Variants in IGF1R observed in about 807,000 individuals in gnomAD.
IGF1R encodes the protein insulin like growth factor 1 receptor, also known as insulin-like growth factor 1 receptor.
IGF1R carries 44 observed loss-of-function variants against 144.6 expected under a neutral mutation model. The ratio of observed to expected loss-of-function variants is 0.30; its 90% CI spans 0.24 to 0.39. The LOEUF (loss-of-function observed/expected upper bound fraction) is 0.39. Among genes scored for constraint, IGF1R ranks in the 10% least tolerant of loss-of-function variants. The pLI, the probability that IGF1R is intolerant of heterozygous loss-of-function variation, is 1.00. For synonymous variants in IGF1R, 795 were observed against 722.8 expected, an observed-to-expected ratio of 1.10 and a Z score of -1.60; for missense variants, 1,355 against 1,833.7, an observed-to-expected ratio of 0.74 and a Z score of 4.77.
chr15:98,921,013 T>C (rs2015462837), intron 10 of IGF1R, among the ~76,000 whole-genome samples: 2 of 152,134 alleles, frequency 1.3e-5, no homozygotes, highest in African/African-American at 4.8e-5. Flanking sequence ...GCTGCCGCGC[T>C]CTCCCCTCCA....
At chr15:98,912,388 T>G (rs1286478549) in intron 7 of IGF1R, among the ~76,000 whole-genome samples, 1 of 152,244 alleles carries the variant, frequency 6.6e-6, no homozygotes, top group Non-Finnish European at 1.5e-5. Context: ...TTGTTCATGT[T>G]TGTTTCAGAA....
At chr15:98,760,252 G>A (rs2055260069) in intron 2 of IGF1R, among the ~76,000 whole-genome samples, 1 of 152,040 alleles carries the variant, frequency 6.6e-6, no homozygotes, top group South Asian at 2.1e-4. Flanking sequence ...TTGGGAGGCT[G>A]AGGGCAGGAG....
intron 1 of IGF1R, among the ~76,000 whole-genome samples, chr15:98,694,655 T>C (rs935375560): frequency 6.6e-6 from 1 of 152,236 alleles, no homozygotes; most frequent in African/African-American, 2.4e-5. Context: ...TTGAGAATTA[T>C]ATTGTTCTCA....
At chr15:98,869,682 G>A (rs561105109) in intron 2 of IGF1R, among the ~76,000 whole-genome samples, 7 of 152,194 alleles carry the variant, frequency 4.6e-5, no homozygotes, top group South Asian at 2.1e-4. Context: ...TGATCCACGC[G>A]CCTCACCCTC....
intron 2 of IGF1R, among the ~76,000 whole-genome samples, chr15:98,765,005 G>A (rs1483669237): frequency 6.6e-6 from 1 of 152,120 alleles, no homozygotes; most frequent in Admixed American, 6.5e-5. Flanking sequence ...CCACCAGTCT[G>A]CATTCTGTTT....
intron 2 of IGF1R, among the ~76,000 whole-genome samples, chr15:98,807,305 C>T (rs2056491694): frequency 6.6e-6 from 1 of 152,330 alleles, no homozygotes; most frequent in East Asian, 1.9e-4. Context: ...TGAACCAGAT[C>T]GTGTACATGT....
intron 2 of IGF1R, among the ~76,000 whole-genome samples, chr15:98,824,932 G>A (rs1051532343): frequency 9.9e-5 from 15 of 151,844 alleles, no homozygotes; most frequent in Non-Finnish European, 1.9e-4. Context: ...TGCCTTCCGG[G>A]TTCAAGCGAT....
At chr15:98,902,904 C>A (rs938854301) in intron 5 of IGF1R, among the ~76,000 whole-genome samples, 1 of 152,120 alleles carries the variant, frequency 6.6e-6, no homozygotes, top group Non-Finnish European at 1.5e-5. Context: ...TCTCCTGAGC[C>A]ATCCAGAACA....
At chr15:98,716,771 C>G (rs907812) in intron 2 of IGF1R, among the ~76,000 whole-genome samples, 1,966 of 127,984 alleles carry the variant, frequency 0.015, 49 homozygotes, top group Admixed American at 0.078. Context: ...CTTCTGGGGC[C>G]GGTGGAAAGG....
chr15:98,753,781 A>G (rs183334360), intron 2 of IGF1R, among the ~76,000 whole-genome samples: 17 of 152,334 alleles, frequency 1.1e-4, no homozygotes, highest in Admixed American at 7.2e-4. Flanking sequence ...ATCATGAAAC[A>G]AGTATCTTGG....
intron 2 of IGF1R, among the ~76,000 whole-genome samples, chr15:98,729,537 T>C (rs1013481379): frequency 2.7e-5 from 4 of 150,752 alleles, no homozygotes; most frequent in Admixed American, 2.0e-4. Context: ...TTCATTGTAC[T>C]GTGCATTAAG....
At position 98,959,269 on chromosome 15, in the gene IGF1R, T is replaced by G; in HGVS notation, c.*1827T>G. On this transcript the variant is annotated 3_prime_UTR_variant, in exon 21 of 21. Coordinates refer to ENST00000650285, the MANE Select transcript of IGF1R (RefSeq NM_000875.5). ...AGACACTAGGCATTTGGATTACTAT[T>G]TTTCTTAATGGCTATTTAATCCTTC... 4.3e-6 allele frequency: 1 copy of G among 233,574 alleles called. No individual in the cohort carries two copies. The highest frequency in any genetic ancestry group is 8.5e-6 in the Non-Finnish European group (1 of 117,954). The allele number at this position is 233,574 out of a possible 1,614,324, so 14.5% of individuals were successfully genotyped here.
intron 2 of IGF1R, among the ~76,000 whole-genome samples, chr15:98,850,054 A>G (rs2011476561): frequency 6.6e-6 from 1 of 152,216 alleles, no homozygotes. Flanking sequence ...ATAGACTTGC[A>G]CACATGTGAA....
intron 2 of IGF1R, among the ~76,000 whole-genome samples, chr15:98,762,238 C>CTTTTTTTT (rs5814898): frequency 2.1e-5 from 2 of 95,828 alleles, no homozygotes; most frequent in Non-Finnish European, 2.1e-5. Flanking sequence ...CTTTTCTTTT[C>CTTTTTTTT]TTTTTTTTTT....
chr15:98,848,902 C>T (rs572713335), intron 2 of IGF1R, among the ~76,000 whole-genome samples: 30 of 152,280 alleles, frequency 2.0e-4, no homozygotes, highest in African/African-American at 6.7e-4. Context: ...GATAACCATA[C>T]TATTAAAAGA....
intron 2 of IGF1R, among the ~76,000 whole-genome samples, chr15:98,736,240 A>G (rs1166128051): frequency 1.3e-5 from 2 of 152,194 alleles, no homozygotes; most frequent in Non-Finnish European, 2.9e-5. Context: ...AACTAATTAC[A>G]TTTGCTCTGA....
intron 2 of IGF1R, among the ~76,000 whole-genome samples, chr15:98,747,595 T>C (rs1315232573): frequency 1.3e-5 from 2 of 152,222 alleles, no homozygotes; most frequent in Non-Finnish European, 2.9e-5. Flanking sequence ...CTAAATCTTA[T>C]AAGCAGAGGT....
At chr15:98,913,493 T>C (rs1413434492) in intron 8 of IGF1R, among the ~76,000 whole-genome samples, 1 of 152,220 alleles carries the variant, frequency 6.6e-6, no homozygotes, top group Non-Finnish European at 1.5e-5. Context: ...TTCCATCATC[T>C]CCTGCTTTGT....
intron 2 of IGF1R, among the ~76,000 whole-genome samples, chr15:98,775,224 G>A (rs1453465240): frequency 6.6e-6 from 1 of 152,130 alleles, no homozygotes; most frequent in East Asian, 1.9e-4. Flanking sequence ...CCATTGCCTC[G>A]TTCCCCCCAC....
Sources: allele counts gnomAD v4.1 joint callset (sites outside exome capture counted in the v4.1 genomes callset), GRCh38; gene constraint gnomAD v4.1.1; transcripts MANE v1.5; gene names NCBI Gene and HGNC (gene_info 2026-07-23, HGNC 2026-07-21).